Variants in SPSB4 observed in about 807,000 individuals in gnomAD.
SPSB4 encodes SPRY domain-containing SOCS box protein 4.
A neutral mutation model predicts 20.9 loss-of-function variants in SPSB4; 21 were observed. That is an observed-to-expected ratio of 1.01 (90% CI 0.71 to 1.45). The LOEUF (loss-of-function observed/expected upper bound fraction) is 1.45. Among genes scored for constraint, SPSB4 ranks in the 40% most tolerant of loss-of-function variants. The pLI is 0.00. For synonymous variants in SPSB4, 207 were observed against 183.8 expected, an observed-to-expected ratio of 1.13 and a Z score of -1.02; for missense variants, 399 against 399.2, an observed-to-expected ratio of 1.00 and a Z score of 0.00.
chr3:141,078,456 C>T (rs1218091947), intron 2 of SPSB4, among the ~76,000 whole-genome samples: 2 of 152,290 alleles, frequency 1.3e-5, no homozygotes, highest in East Asian at 3.9e-4. Flanking sequence ...CACAATGCTC[C>T]AGATTCCCAG....
intron 2 of SPSB4, among the ~76,000 whole-genome samples, chr3:141,078,763 C>CT (rs1216229729): frequency 6.6e-6 from 1 of 152,254 alleles, no homozygotes; most frequent in East Asian, 1.9e-4. Flanking sequence ...AGGCCCTCCG[C>CT]TGCAGTTCCA....
intron 2 of SPSB4, among the ~76,000 whole-genome samples, chr3:141,067,263 A>G (rs569083635): frequency 6.6e-6 from 1 of 152,354 alleles, no homozygotes; most frequent in South Asian, 2.1e-4. Flanking sequence ...ATTGATAAGT[A>G]ATAAGTACTG....
intron 2 of SPSB4, among the ~76,000 whole-genome samples, chr3:141,126,656 G>A (rs1372854450): frequency 2.6e-5 from 4 of 152,210 alleles, no homozygotes; most frequent in African/African-American, 4.8e-5. Context: ...ATCTGAGCAT[G>A]TGCCAGGCCA....
intron 2 of SPSB4, among the ~76,000 whole-genome samples, chr3:141,093,096 C>T (rs924679550): frequency 2.0e-5 from 3 of 151,842 alleles, no homozygotes; most frequent in African/African-American, 4.8e-5. Context: ...TGTCAGGAGC[C>T]CTATACCTGG....
At chr3:141,061,354 A>G (rs955946057) in intron 1 of SPSB4, among the ~76,000 whole-genome samples, 3 of 152,064 alleles carry the variant, frequency 2.0e-5, no homozygotes, top group Non-Finnish European at 4.4e-5. Flanking sequence ...GAGATAGGAG[A>G]AAGAGGTGAA....
intron 2 of SPSB4, among the ~76,000 whole-genome samples, chr3:141,079,746 A>C (rs1280049215): frequency 6.6e-6 from 1 of 152,218 alleles, no homozygotes; most frequent in African/African-American, 2.4e-5. Context: ...TATAGAACAA[A>C]GTTGGAGAAT....
intron 2 of SPSB4, among the ~76,000 whole-genome samples, chr3:141,089,546 G>T (rs979430065): frequency 4.0e-5 from 6 of 151,538 alleles, no homozygotes; most frequent in Admixed American, 2.0e-4. Flanking sequence ...CTTGAACAAA[G>T]GTGGAGGGAG....
Position 141,147,372 on chromosome 3 carries a change from C to A in SPSB4, c.*103C>A. ...CATAGGGGAAAGGATCTACCCTTCT[C>A]CTGGCTCCCCAGGACACTCAGTTCT... On this transcript the variant is annotated 3_prime_UTR_variant, in exon 3 of 3. Transcript: ENST00000310546. 1 of 1,543,894 alleles carries A rather than the reference C, an allele frequency of 6.5e-7. No homozygotes were observed. The highest frequency in any genetic ancestry group is 1.2e-5 in the South Asian group (1 of 83,564).
At chr3:141,141,772 G>A (rs1413854990) in intron 2 of SPSB4, among the ~76,000 whole-genome samples, 2 of 152,070 alleles carry the variant, frequency 1.3e-5, no homozygotes, top group Non-Finnish European at 2.9e-5. Flanking sequence ...ATTTAATCTA[G>A]GAAGGTTGTA....
chr3:141,060,561 C>T (rs989013046), intron 1 of SPSB4, among the ~76,000 whole-genome samples: 2 of 152,106 alleles, frequency 1.3e-5, no homozygotes, highest in African/African-American at 2.4e-5. Flanking sequence ...AAGAGTGCTG[C>T]GTATGTATGC....
At chr3:141,077,153 C>T (rs541412540) in intron 2 of SPSB4, 3 of 152,362 alleles carry the variant, frequency 2.0e-5, no homozygotes, top group South Asian at 4.1e-4. Flanking sequence ...AAGGCTGTGC[C>T]GCTTAATGGC....
At chr3:141,060,481 C>A (rs961855279) in intron 1 of SPSB4, among the ~76,000 whole-genome samples, 1 of 152,166 alleles carries the variant, frequency 6.6e-6, no homozygotes, top group East Asian at 1.9e-4. Flanking sequence ...CCCAGTCCTG[C>A]CACTTCCTGG....
At chr3:141,081,705 GCT>G (rs1202486949) in intron 2 of SPSB4, among the ~76,000 whole-genome samples, 5 of 152,254 alleles carry the variant, frequency 3.3e-5, no homozygotes, top group Admixed American at 1.3e-4. Flanking sequence ...CCTCTTGCTA[GCT>G]CTGTGTCCTT....
chr3:141,095,595 A>T (rs563314667), intron 2 of SPSB4, among the ~76,000 whole-genome samples: 19 of 152,086 alleles, frequency 1.2e-4, no homozygotes, highest in East Asian at 9.8e-4. Flanking sequence ...TGTGAGAAGG[A>T]TGGATGAGGA....
intron 2 of SPSB4, among the ~76,000 whole-genome samples, chr3:141,105,873 A>G (rs1018226069): frequency 2.0e-5 from 3 of 152,256 alleles, no homozygotes; most frequent in African/African-American, 7.2e-5. Flanking sequence ...ACTGCTTATT[A>G]TCTTTTAGAT....
At chr3:141,090,668 A>AG (rs1455809777) in intron 2 of SPSB4, among the ~76,000 whole-genome samples, 2 of 152,192 alleles carry the variant, frequency 1.3e-5, no homozygotes, top group Admixed American at 6.5e-5. Context: ...CCGGGCACAG[A>AG]GGTTAGCCGA....
At chr3:141,143,437 G>C (rs554513403) in intron 2 of SPSB4, among the ~76,000 whole-genome samples, 6 of 152,220 alleles carry the variant, frequency 3.9e-5, no homozygotes, top group Non-Finnish European at 8.8e-5. Context: ...GCTGGTGCTG[G>C]GAGATGTTTG....
intron 2 of SPSB4, among the ~76,000 whole-genome samples, chr3:141,105,965 C>T (rs1274327414): frequency 6.6e-6 from 1 of 152,220 alleles, no homozygotes; most frequent in East Asian, 1.9e-4. Flanking sequence ...TACATCGCCA[C>T]CTGGTGGTAC....
chr3:141,091,916 A>G (rs1938456949), intron 2 of SPSB4, among the ~76,000 whole-genome samples: 1 of 151,832 alleles, frequency 6.6e-6, no homozygotes, highest in Non-Finnish European at 1.5e-5. Context: ...ATGAGCAGGT[A>G]GAGCTCATTC....
Sources: gnomAD v4.1 joint callset for allele counts (sites outside exome capture counted in the v4.1 genomes callset) on GRCh38, gnomAD v4.1.1 for gene constraint, MANE v1.5 for transcripts, NCBI Gene and HGNC (gene_info 2026-07-23, HGNC 2026-07-21) for gene names.